The following CTNNA2 variants were observed in gnomAD, a reference collection of about 807,000 sequenced individuals.
CTNNA2 encodes the protein catenin alpha 2, also known as catenin alpha-2.
Under a neutral mutation model 101.0 loss-of-function variants are expected in CTNNA2, and 42 were observed. That is an observed-to-expected ratio of 0.42 (90% CI 0.32 to 0.54). CTNNA2 has a LOEUF of 0.54. CTNNA2 is among the 20% of genes least tolerant of loss of function. CTNNA2 has a pLI of 0.14. For missense variants in CTNNA2, 871 were observed against 1,223.1 expected, an observed-to-expected ratio of 0.71 and a Z score of 4.29; for synonymous variants, 450 against 456.4, an observed-to-expected ratio of 0.99 and a Z score of 0.18.
At chr2:80,347,843 C>CTT (rs1244814935) in intron 7 of CTNNA2, among the ~76,000 whole-genome samples, 4 of 145,724 alleles carry the variant, frequency 2.7e-5, no homozygotes, top group Non-Finnish European at 6.0e-5. Context: ...CTTTTCTTTT[C>CTT]TTTTTTTTTT....
At chr2:79,594,651 A>G (rs1026299360) in intron 1 of CTNNA2, among the ~76,000 whole-genome samples, 9 of 151,972 alleles carry the variant, frequency 5.9e-5, no homozygotes, top group Admixed American at 2.6e-4. Context: ...ATCTTAGTGT[A>G]TTTCCTTCAT....
intron 7 of CTNNA2, 60 bp downstream of exon 7, chr2:79,909,857 T>C: frequency 6.7e-7 from 1 of 1,488,784 alleles, no homozygotes; most frequent in Non-Finnish European, 9.1e-7. Context: ...ATCGTGTTGC[T>C]CTTTTGGAAG....
At chr2:80,125,998 C>G (rs549823969) in intron 7 of CTNNA2, among the ~76,000 whole-genome samples, 30 of 152,214 alleles carry the variant, frequency 2.0e-4, no homozygotes, top group Admixed American at 5.9e-4. Context: ...TACTATAACT[C>G]GCACTCAGCC....
intron 1 of CTNNA2, among the ~76,000 whole-genome samples, chr2:79,539,964 T>G (rs1485277071): frequency 6.6e-6 from 1 of 152,174 alleles, no homozygotes; most frequent in Non-Finnish European, 1.5e-5. Context: ...ACCTGGCTTT[T>G]AAATAGTATT....
chr2:80,250,577 T>A (rs1272731330), intron 7 of CTNNA2, among the ~76,000 whole-genome samples: 1 of 151,936 alleles, frequency 6.6e-6, no homozygotes, highest in Non-Finnish European at 1.5e-5. Flanking sequence ...TCCAGGAAGG[T>A]GGAATGTTTT....
chr2:79,724,803 A>G (rs1030649857), intron 2 of CTNNA2, among the ~76,000 whole-genome samples: 1 of 142,608 alleles, frequency 7.0e-6, no homozygotes, highest in Non-Finnish European at 1.5e-5. Context: ...CGACAGACCA[A>G]GACTCCACCT....
chr2:80,587,164 A>G (rs216625), intron 14 of CTNNA2, among the ~76,000 whole-genome samples: 36,328 of 152,050 alleles, frequency 0.24, 6,493 homozygotes, highest in African/African-American at 0.51. Flanking sequence ...GAATTTCTCT[A>G]GGCCTAGATA....
intron 2 of CTNNA2, among the ~76,000 whole-genome samples, chr2:79,678,404 G>A (rs982567260): frequency 2.0e-5 from 3 of 152,008 alleles, no homozygotes; most frequent in Non-Finnish European, 2.9e-5. Flanking sequence ...TTAGTTGGGT[G>A]TGGTGATGTA....
intron 2 of CTNNA2, among the ~76,000 whole-genome samples, chr2:79,680,375 G>A (rs912734361): frequency 6.6e-6 from 1 of 152,042 alleles, no homozygotes; most frequent in Non-Finnish European, 1.5e-5. Context: ...TCTGCTAGGG[G>A]CCTCTCAGGA....
At chr2:79,663,493 C>G (rs1159289953) in intron 2 of CTNNA2, among the ~76,000 whole-genome samples, 3 of 152,154 alleles carry the variant, frequency 2.0e-5, no homozygotes, top group Non-Finnish European at 4.4e-5. Context: ...ATACTGAGTT[C>G]TCTCTGGCCT....
At position 80,075,196 on chromosome 2, in the gene CTNNA2, A is replaced by G. The variant is rs77080718; in HGVS notation, c.1056+165399A>G. On this transcript the variant is annotated intron_variant, in intron 7 of 18. Transcript: ENST00000402739. ...TTGAAATATTTCAGCTTTTTCTTCT[A>G]TCATCCATATCAAGATACCTGTATC... Among the ~76,000 whole-genome samples the G allele has an allele frequency of 1.8e-3, 279 of 152,190 alleles. 1 individual carries two copies. Among genetic ancestry groups the G allele is most frequent in the African/African-American group, 6.5e-3 (268 of 41,526 alleles).
At chr2:79,870,289 C>T (rs1199028845) in intron 5 of CTNNA2, among the ~76,000 whole-genome samples, 2 of 152,174 alleles carry the variant, frequency 1.3e-5, no homozygotes, top group African/African-American at 4.8e-5. Flanking sequence ...GGATGTCACC[C>T]TTTGCCCTCA....
intron 3 of CTNNA2, among the ~76,000 whole-genome samples, chr2:79,358,256 A>G (rs1677552275): frequency 6.6e-6 from 1 of 151,218 alleles, no homozygotes; most frequent in South Asian, 2.1e-4. Context: ...CTGGAGTACA[A>G]TGGCACAATT....
At chr2:79,612,130 A>G (rs1004535349) in intron 1 of CTNNA2, among the ~76,000 whole-genome samples, 1 of 152,178 alleles carries the variant, frequency 6.6e-6, no homozygotes, top group Non-Finnish European at 1.5e-5. Flanking sequence ...TTTCAAAAAC[A>G]AGTTTATGGG....
At chr2:80,223,159 A>G (rs2120408) in intron 7 of CTNNA2, among the ~76,000 whole-genome samples, 29,923 of 152,154 alleles carry the variant, frequency 0.2, 4,081 homozygotes, top group African/African-American at 0.38. Flanking sequence ...GATCAGGCAA[A>G]TTGAGTTAAA....
At chr2:80,214,572 C>T (rs111952622) in intron 7 of CTNNA2, among the ~76,000 whole-genome samples, 3,743 of 152,184 alleles carry the variant, frequency 0.025, 165 homozygotes, top group African/African-American at 0.085. Flanking sequence ...GAGTTTCTGC[C>T]GAGAGATCAG....
At chr2:80,174,929 C>G (rs2148968844) in intron 7 of CTNNA2, among the ~76,000 whole-genome samples, 1 of 152,226 alleles carries the variant, frequency 6.6e-6, no homozygotes, top group East Asian at 1.9e-4. Flanking sequence ...GGCCTTTTTC[C>G]TAATATGAAT....
intron 4 of CTNNA2, among the ~76,000 whole-genome samples, chr2:79,460,734 C>T (rs1036464814): frequency 6.6e-6 from 1 of 152,166 alleles, no homozygotes; most frequent in Non-Finnish European, 1.5e-5. Flanking sequence ...CATGATCACC[C>T]CCTTAGACTT....
chr2:79,733,658 T>C (rs1392490527), intron 2 of CTNNA2, among the ~76,000 whole-genome samples: 2 of 152,000 alleles, frequency 1.3e-5, no homozygotes, highest in Non-Finnish European at 2.9e-5. Context: ...CCATCTAACA[T>C]AGGGATGGGT....
Sources: allele counts gnomAD v4.1 joint callset (sites outside exome capture counted in the v4.1 genomes callset), GRCh38; gene constraint gnomAD v4.1.1; transcripts MANE v1.5; gene names NCBI Gene and HGNC (gene_info 2026-07-23, HGNC 2026-07-21).